The following ADAMTSL1 variants were observed in gnomAD, a reference collection of about 807,000 sequenced individuals.
The protein encoded by ADAMTSL1 is ADAMTS like 1.
In ADAMTSL1, 126 loss-of-function variants were observed where a neutral mutation model predicts 201.8. That is an observed-to-expected ratio of 0.62 (90% CI 0.54 to 0.72). The LOEUF (loss-of-function observed/expected upper bound fraction) is 0.72. Ranked by LOEUF, ADAMTSL1 falls within the 30% of genes least tolerant of loss-of-function variation. The pLI, the probability that ADAMTSL1 is intolerant of heterozygous loss-of-function variation, is 0.00. For synonymous variants in ADAMTSL1, 1,121 were observed against 903.4 expected, an observed-to-expected ratio of 1.24 and a Z score of -4.32; for missense variants, 2,679 against 2,277.8, an observed-to-expected ratio of 1.18 and a Z score of -3.59.
Position 18,157,997 on chromosome 9 carries a change from C to A in ADAMTSL1, c.88-5865C>A, listed in dbSNP as rs547143999. On this transcript the variant is annotated intron_variant, in intron 1 of 29. Transcript: ENST00000680146. The stretch of plus-strand genomic sequence containing the variant: ...TGTCTAAAAACGTTTAGTCACCCAC[C>A]AACACAGCAACCAAAAATACTCACA... Among the ~76,000 whole-genome samples, 20 of 152,086 alleles carry A rather than the reference C, an allele frequency of 1.3e-4. 1 individual carries two copies. The South Asian group carries it at 3.9e-3, about 30-fold the overall frequency.
chr9:18,721,503 G>A, intron 14 of ADAMTSL1, 33 bp from the exon 15 acceptor site: 1 of 1,610,240 alleles, frequency 6.2e-7, no homozygotes, highest in Non-Finnish European at 8.5e-7. Context: ...CACCCACTTT[G>A]CACTCTGGCC....
chr9:18,125,215 G>A (rs891319234), intron 1 of ADAMTSL1, among the ~76,000 whole-genome samples: 7 of 152,116 alleles, frequency 4.6e-5, no homozygotes, highest in African/African-American at 1.7e-4. Flanking sequence ...CTCTTACACG[G>A]ATGGCAGCAG....
At chr9:18,305,501 G>C (rs567854555) in intron 2 of ADAMTSL1, among the ~76,000 whole-genome samples, 1 of 152,190 alleles carries the variant, frequency 6.6e-6, no homozygotes, top group South Asian at 2.1e-4. Context: ...GTCTATCTGG[G>C]ATGCTCAAGC....
intron 2 of ADAMTSL1, among the ~76,000 whole-genome samples, chr9:18,250,869 A>T (rs1344625916): frequency 6.6e-6 from 1 of 152,210 alleles, no homozygotes; most frequent in Non-Finnish European, 1.5e-5. Context: ...GCCACTGCTA[A>T]GGAATCTCTA....
intron 2 of ADAMTSL1, among the ~76,000 whole-genome samples, chr9:18,164,231 A>G (rs1199083334): frequency 6.6e-6 from 1 of 151,946 alleles, no homozygotes; most frequent in Non-Finnish European, 1.5e-5. Flanking sequence ...CAGCATGTGG[A>G]GGATTCACAT....
At chr9:18,559,183 A>G (rs1028079329) in intron 3 of ADAMTSL1, among the ~76,000 whole-genome samples, 3 of 152,156 alleles carry the variant, frequency 2.0e-5, no homozygotes, top group African/African-American at 7.2e-5. Flanking sequence ...TAATTTTTGT[A>G]TAAGGTGTAA....
intron 19 of ADAMTSL1, among the ~76,000 whole-genome samples, chr9:18,794,634 T>TG (rs1822269657): frequency 7.2e-6 from 1 of 138,432 alleles, no homozygotes; most frequent in African/African-American, 2.7e-5. Context: ...TTGTTTTTTT[T>TG]TGTTGTTGTT....
At chr9:18,786,981 T>C (rs1382830048) in intron 19 of ADAMTSL1, among the ~76,000 whole-genome samples, 1 of 152,186 alleles carries the variant, frequency 6.6e-6, no homozygotes, top group Non-Finnish European at 1.5e-5. Context: ...TGGAAACTTC[T>C]CAGAATGGAA....
chr9:18,143,453 C>A (rs1448600679), intron 1 of ADAMTSL1, among the ~76,000 whole-genome samples: 1 of 152,144 alleles, frequency 6.6e-6, no homozygotes, highest in Non-Finnish European at 1.5e-5. Flanking sequence ...GGCTGTGGAG[C>A]AGGACAATGT....
intron 1 of ADAMTSL1, among the ~76,000 whole-genome samples, chr9:17,927,197 A>G (rs1039774260): frequency 6.6e-6 from 1 of 152,138 alleles, no homozygotes; most frequent in African/African-American, 2.4e-5. Context: ...CTTAAACATA[A>G]TGTCCACAGG....
At chr9:18,187,423 T>C (rs1004238945) in intron 2 of ADAMTSL1, among the ~76,000 whole-genome samples, 1 of 152,182 alleles carries the variant, frequency 6.6e-6, no homozygotes, top group Non-Finnish European at 1.5e-5. Flanking sequence ...ATTCAGTCTT[T>C]AAATGATTTA....
intron 5 of ADAMTSL1, among the ~76,000 whole-genome samples, chr9:18,629,367 A>G (rs1023158746): frequency 2.6e-5 from 4 of 152,102 alleles, no homozygotes; most frequent in Admixed American, 1.3e-4. Flanking sequence ...ATTGAGTATG[A>G]TGTTAGCTGT....
intron 1 of ADAMTSL1, among the ~76,000 whole-genome samples, chr9:17,915,986 C>G (rs1280243082): frequency 6.6e-6 from 1 of 151,972 alleles, no homozygotes; most frequent in Non-Finnish European, 1.5e-5. Flanking sequence ...GTGGCATGAT[C>G]TTGGCTCACT....
chr9:18,787,927 C>T (rs1821796305), intron 19 of ADAMTSL1, among the ~76,000 whole-genome samples: 1 of 152,096 alleles, frequency 6.6e-6, no homozygotes, highest in Non-Finnish European at 1.5e-5. Flanking sequence ...AAATTCAAGA[C>T]TCTATGAACT....
intron 3 of ADAMTSL1, among the ~76,000 whole-genome samples, chr9:18,541,152 G>T (rs1820114349): frequency 6.6e-6 from 1 of 152,162 alleles, no homozygotes; most frequent in South Asian, 2.1e-4. Context: ...AAAATTGGGA[G>T]CAGGCTCTCC....
At chr9:18,626,127 A>G (rs1331284446) in intron 5 of ADAMTSL1, among the ~76,000 whole-genome samples, 1 of 152,192 alleles carries the variant, frequency 6.6e-6, no homozygotes, top group Non-Finnish European at 1.5e-5. Flanking sequence ...AAGCCACTCA[A>G]GGATATATTC....
At chr9:18,146,090 G>C (rs1310736911) in intron 1 of ADAMTSL1, among the ~76,000 whole-genome samples, 1 of 152,126 alleles carries the variant, frequency 6.6e-6, no homozygotes, top group African/African-American at 2.4e-5. Flanking sequence ...TAATTGTTGA[G>C]AAGGATACAA....
Position 18,504,959 on chromosome 9 carries a change from A to G in ADAMTSL1, c.191+3A>G. On this transcript the variant is annotated splice_donor_region_variant and intron_variant, in intron 2 of 28. Coordinates refer to ENST00000380548, the MANE Select transcript of ADAMTSL1 (RefSeq NM_001040272.6). ...CTGAGGCGCTGCCTGAGCAGCAAGT[A>G]AGTCCTGCACCCGTTGGGGGTCTTT... 6.2e-7 allele frequency: 1 copy of G among 1,606,284 alleles called. No individual in the cohort carries two copies. Among genetic ancestry groups the G allele is most frequent in the Non-Finnish European group, 8.5e-7 (1 of 1,178,790 alleles).
chr9:18,080,689 A>G lies in ADAMTSL1; in HGVS notation c.88-83173A>G, dbSNP rs114695859. On this transcript the variant is annotated intron_variant, in intron 1 of 29. Coordinates refer to the ADAMTSL1 transcript ENST00000680146. ...ACAAACCCACTATGTGTTAGACATT[A>G]TTTTCTCCATTTTACATTTAAAACA... is the stretch of plus-strand genomic sequence containing the variant. Among the ~76,000 whole-genome samples, 778 of 152,260 alleles carry G rather than the reference A, an allele frequency of 5.1e-3. 7 individuals are homozygous for G. The highest frequency in any genetic ancestry group is 0.018 in the African/African-American group (743 of 41,538).
Sources: allele counts gnomAD v4.1 joint callset (sites outside exome capture counted in the v4.1 genomes callset), GRCh38; gene constraint gnomAD v4.1.1; transcripts MANE v1.5; gene names NCBI Gene and HGNC (gene_info 2026-07-23, HGNC 2026-07-21).